The following PLD5 variants were observed in gnomAD, a reference collection of about 807,000 sequenced individuals.
The protein encoded by PLD5 is inactive phospholipase D5.
Under a neutral mutation model 61.1 loss-of-function variants are expected in PLD5, and 36 were observed. The observed-to-expected ratio is 0.59, with a 90% CI of 0.45 to 0.78. The LOEUF is 0.78. Ranked by LOEUF, PLD5 falls within the 30% of genes least tolerant of loss-of-function variation. PLD5 has a pLI of 0.00. For synonymous variants in PLD5, 243 were observed against 242.8 expected, an observed-to-expected ratio of 1.00 and a Z score of -0.01; for missense variants, 515 against 644.4, an observed-to-expected ratio of 0.80 and a Z score of 2.17.
intron 1 of PLD5, among the ~76,000 whole-genome samples, chr1:242,456,851 A>G (rs1316977558): frequency 6.6e-6 from 1 of 152,202 alleles, no homozygotes; most frequent in Non-Finnish European, 1.5e-5. Flanking sequence ...AGTGCTCTTC[A>G]GGTTACCAAA....
In PLD5 at chr1:242,122,887, G is replaced by T. The variant is rs548930787; in HGVS notation, c.933+1581C>A. On this transcript the variant is annotated intron_variant, in intron 6 of 9. Transcript: ENST00000536534. ...CAATTCACTTTATCTTCAACAAAAT[G>T]CTGTTTAGTGACAAAAAAGTTGTTG... 2.8e-4 allele frequency among the ~76,000 whole-genome samples: 42 copies of T among 152,252 alleles called. 1 individual carries two copies. The highest frequency in any genetic ancestry group is 9.6e-4 in the African/African-American group (40 of 41,542).
intron 5 of PLD5, among the ~76,000 whole-genome samples, chr1:242,164,706 T>C (rs1294897332): frequency 2.5e-5 from 3 of 122,202 alleles, no homozygotes; most frequent in Admixed American, 8.8e-5. Flanking sequence ...GTCTTCACTT[T>C]CACAACCTTC....
Position 242,100,931 on chromosome 1 carries a change from G to A in PLD5, c.1240-149C>T. 8.3e-6 allele frequency: 5 copies of A among 600,446 alleles called. No homozygotes were observed. The South Asian group carries it at 1.1e-4, about 13-fold the overall frequency. 37.2% of individuals were successfully genotyped at this position (600,446 alleles called of 1,614,324 possible). A position where few individuals can be genotyped will look rare whatever the true frequency, so the allele number is the denominator to read the frequency against. ...AATCTTATTACCTCATATAGATGAA[G>A]CTATTTTTGTTCTCAAATCTAAATA... On this transcript the variant is annotated intron_variant, in intron 8 of 9. Coordinates refer to ENST00000536534, the MANE Select transcript of PLD5 (RefSeq NM_001372062.1).
chr1:242,313,071 A>G (rs1676797943), intron 2 of PLD5, among the ~76,000 whole-genome samples: 1 of 152,228 alleles, frequency 6.6e-6, no homozygotes, highest in African/African-American at 2.4e-5. Context: ...AAATGAGACA[A>G]TGTACATAAA....
chr1:242,163,557 G>T (rs1042298984), intron 5 of PLD5, among the ~76,000 whole-genome samples: 1 of 152,160 alleles, frequency 6.6e-6, no homozygotes, highest in Non-Finnish European at 1.5e-5. Flanking sequence ...GAAAGAGGTG[G>T]AAAGGATGTT....
At chr1:242,243,553 T>A (rs1672185495) in intron 4 of PLD5, among the ~76,000 whole-genome samples, 1 of 152,132 alleles carries the variant, frequency 6.6e-6, no homozygotes, top group Non-Finnish European at 1.5e-5. Context: ...CAGGAAATAT[T>A]TATTGAGCAC....
upstream of PLD5, among the ~76,000 whole-genome samples, chr1:242,527,576 C>G (rs1221047621): frequency 6.6e-6 from 1 of 152,160 alleles, no homozygotes; most frequent in Non-Finnish European, 1.5e-5. Flanking sequence ...CAGTTTCATA[C>G]TTACTTGGTA....
At chr1:242,317,706 G>T (rs1658108086) in intron 2 of PLD5, among the ~76,000 whole-genome samples, 2 of 149,038 alleles carry the variant, frequency 1.3e-5, no homozygotes, top group African/African-American at 4.9e-5. Context: ...AAAGAAATAG[G>T]TTCATAGCTA....
chr1:242,465,080 T>C (rs531790808), intron 1 of PLD5, among the ~76,000 whole-genome samples: 4 of 152,146 alleles, frequency 2.6e-5, no homozygotes, highest in Non-Finnish European at 5.9e-5. Flanking sequence ...ATAGAAGTGA[T>C]CACATCATCG....
intron 1 of PLD5, among the ~76,000 whole-genome samples, chr1:242,442,976 G>C (rs1011524875): frequency 6.6e-6 from 1 of 152,150 alleles, no homozygotes; most frequent in Non-Finnish European, 1.5e-5. Context: ...AAAAACTGGG[G>C]AAGTCCTAGG....
chr1:242,481,685 C>T (rs543681691), intron 1 of PLD5, among the ~76,000 whole-genome samples: 1 of 152,310 alleles, frequency 6.6e-6, no homozygotes, highest in East Asian at 1.9e-4. Flanking sequence ...CTTAAATGTC[C>T]CTGTTTGACA....
intron 6 of PLD5, among the ~76,000 whole-genome samples, chr1:242,121,080 A>C (rs1662323072): frequency 6.6e-6 from 1 of 152,220 alleles, no homozygotes; most frequent in Non-Finnish European, 1.5e-5. Context: ...ATACTATTTT[A>C]AGATACAACA....
intron 1 of PLD5, among the ~76,000 whole-genome samples, chr1:242,475,158 T>C (rs573929943): frequency 2.6e-4 from 39 of 152,142 alleles, no homozygotes; most frequent in African/African-American, 8.9e-4. Flanking sequence ...CCAAGTAACA[T>C]AGAGATGCAT....
At chr1:242,195,069 G>A (rs141690367) in intron 5 of PLD5, among the ~76,000 whole-genome samples, 4 of 152,282 alleles carry the variant, frequency 2.6e-5, no homozygotes, top group Admixed American at 2.6e-4. Flanking sequence ...AGGAAAAAAA[G>A]TATCTGTGTT....
intron 5 of PLD5, among the ~76,000 whole-genome samples, chr1:242,164,866 A>G (rs1420540123): frequency 1.3e-5 from 2 of 150,444 alleles, no homozygotes; most frequent in African/African-American, 5.0e-5. Flanking sequence ...TAAATCTCTG[A>G]AGGTGCTTTT....
intron 5 of PLD5, 135 bp from the exon 6 acceptor site, chr1:242,124,800 AT>A (rs1193757465): frequency 4.0e-5 from 29 of 719,366 alleles, no homozygotes; most frequent in Admixed American, 1.7e-4. Flanking sequence ...ATATAGTTAC[AT>A]TATGGTACAT....
intron 7 of PLD5, among the ~76,000 whole-genome samples, chr1:242,111,950 T>C (rs1456298612): frequency 6.6e-6 from 1 of 152,198 alleles, no homozygotes; most frequent in Non-Finnish European, 1.5e-5. Flanking sequence ...TTCTAAAATA[T>C]TTTAGATCCT....
At chr1:242,218,260 C>T (rs1289058901) in intron 5 of PLD5, among the ~76,000 whole-genome samples, 4 of 152,174 alleles carry the variant, frequency 2.6e-5, no homozygotes. Context: ...TATTTTCTAG[C>T]AATAAAGTAT....
At chr1:242,111,737 T>A (rs1293900325) in intron 7 of PLD5, among the ~76,000 whole-genome samples, 2 of 152,212 alleles carry the variant, frequency 1.3e-5, no homozygotes, top group Non-Finnish European at 2.9e-5. Flanking sequence ...TTAATTATAA[T>A]CTTGATGCTT....
Sources: allele counts gnomAD v4.1 joint callset (sites outside exome capture counted in the v4.1 genomes callset), GRCh38; gene constraint gnomAD v4.1.1; transcripts MANE v1.5; gene names NCBI Gene and HGNC (gene_info 2026-07-23, HGNC 2026-07-21).